The following ESR2 variants were observed in gnomAD, a reference collection of about 807,000 sequenced individuals.
ESR2 encodes estrogen receptor 2.
A neutral mutation model predicts 49.6 loss-of-function variants in ESR2; 36 were observed. The ratio of observed to expected loss-of-function variants is 0.73; its 90% CI spans 0.56 to 0.96. The LOEUF is 0.96. Among genes scored for constraint, ESR2 ranks in the 40% least tolerant of loss-of-function variants. The probability of loss-of-function intolerance (pLI) is 0.00; values close to 1 mark genes in which losing one functional copy is unlikely to be tolerated. For missense variants in ESR2, 714 were observed against 693.0 expected (o/e 1.03, Z -0.34); for synonymous variants, 320 against 266.1 (o/e 1.20, Z -1.97).
chr14:64,304,232 G>C (rs996840418), intron 1 of ESR2, among the ~76,000 whole-genome samples: 1 of 152,102 alleles, frequency 6.6e-6, no homozygotes, highest in East Asian at 1.9e-4. Context: ...ACCTGAGCCC[G>C]GCAGGTTCGA....
At chr14:64,281,828 T>G (rs1242131020) in intron 2 of ESR2, among the ~76,000 whole-genome samples, 1 of 152,200 alleles carries the variant, frequency 6.6e-6, no homozygotes, top group Non-Finnish European at 1.5e-5. Flanking sequence ...TTATATAATG[T>G]TATTATTTTA....
intron 7 of ESR2, among the ~76,000 whole-genome samples, chr14:64,236,896 A>C (rs1362612870): frequency 2.0e-5 from 3 of 146,980 alleles, no homozygotes; most frequent in South Asian, 2.2e-4. Context: ...CCCCACACAC[A>C]CCCCACAGCC....
chr14:64,311,324 A>C (rs1309064289), intron 1 of ESR2, among the ~76,000 whole-genome samples: 1 of 152,270 alleles, frequency 6.6e-6, no homozygotes, highest in East Asian at 1.9e-4. Context: ...TGCTGGTAGA[A>C]CAATTTTGCT....
At chr14:64,233,701 A>C in intron 8 of ESR2, 1 of 189,212 alleles carries the variant, frequency 5.3e-6, no homozygotes, top group Non-Finnish European at 1.1e-5. Context: ...TCAATACAAA[A>C]CCTTGTTTTA....
chr14:64,293,039 C>T (rs911680714), intron 1 of ESR2, among the ~76,000 whole-genome samples: 3 of 152,194 alleles, frequency 2.0e-5, no homozygotes, highest in South Asian at 4.1e-4. Context: ...TGCAATCCTA[C>T]GGTGTATACT....
intron 7 of ESR2, 102 bp from the exon 8 acceptor site, chr14:64,235,252 T>C (rs939254559): frequency 2.0e-5 from 25 of 1,250,416 alleles, no homozygotes; most frequent in Non-Finnish European, 2.6e-5. Flanking sequence ...TCTGGGTTGC[T>C]TTGACAGCTG....
In ESR2 at chr14:64,231,323, CT is replaced by C. The variant is rs1371871919; in HGVS notation, c.*1813del. The C allele has an allele frequency of 6.6e-6, 1 of 152,194 alleles. No individual in the cohort carries two copies. Among genetic ancestry groups the C allele is most frequent in the Non-Finnish European group, 1.5e-5 (1 of 68,028 alleles). 9.4% of individuals were successfully genotyped at this position (152,194 alleles called of 1,614,324 possible). ...CCTACTCTCCAGCTTCCAAACCCCT[CT>C]ATTGGGAGTGGGGGATTCTAGGCTG... On this transcript the variant is annotated 3_prime_UTR_variant, in exon 9 of 9. Coordinates refer to ENST00000341099, the MANE Select transcript of ESR2 (RefSeq NM_001437.3).
At chr14:64,269,722 C>G (rs1006269724) in intron 3 of ESR2, among the ~76,000 whole-genome samples, 3 of 152,154 alleles carry the variant, frequency 2.0e-5, no homozygotes, top group Non-Finnish European at 2.9e-5. Context: ...CTCAAAGACA[C>G]AGAAGTACAG....
At chr14:64,270,791 T>C (rs117510166) in intron 3 of ESR2, among the ~76,000 whole-genome samples, 10,252 of 152,314 alleles carry the variant, frequency 0.067, 410 homozygotes, top group Non-Finnish European at 0.083. Context: ...ATTACAGGCG[T>C]GAGCCACCAC....
At chr14:64,251,906 C>T (rs2075995876) in intron 6 of ESR2, among the ~76,000 whole-genome samples, 1 of 152,132 alleles carries the variant, frequency 6.6e-6, no homozygotes, top group Non-Finnish European at 1.5e-5. Flanking sequence ...ATGAGTTACA[C>T]AGAACAAAGT....
intron 7 of ESR2, among the ~76,000 whole-genome samples, chr14:64,235,924 A>C (rs539210284): frequency 1.1e-4 from 16 of 152,226 alleles, no homozygotes; most frequent in African/African-American, 3.1e-4. Context: ...AGCTCAGATA[A>C]ATCTCCTCCC....
At position 64,318,537 on chromosome 14, in the gene ESR2, CAAAAAAA is replaced by C. The variant is rs58597271; in HGVS notation, c.-91+19354_-91+19360del. On this transcript the variant is annotated intron_variant, in intron 1 of 8. Transcript: ENST00000358599. ...GGGCGACAAGAACGAAACTCCATCT[CAAAAAAA>C]AAAAAAAAAAAAAAAAAAAAAAAAT... 3.8e-3 allele frequency among the ~76,000 whole-genome samples: 124 copies of C among 32,424 alleles called. No individual in the cohort carries two copies. In the East Asian group the frequency reaches 0.039, roughly 10 times the overall value. The allele number at this position is 32,424 out of a possible 152,430, so 21.3% of individuals were successfully genotyped here.
rs2076190161 is a variant in ESR2, at chr14:64,260,489, C to T, written c.912G>A (p.Lys304=). 2 of 1,531,562 alleles carry T rather than the reference C, an allele frequency of 1.3e-6. No homozygotes were observed. Among genetic ancestry groups the T allele is most frequent in the Non-Finnish European group, 1.8e-6 (2 of 1,140,166 alleles). The allele number at this position is 1,531,562 out of a possible 1,614,324, so 94.9% of individuals were successfully genotyped here. ...MMMSLTKLAD[K]ELVHMISWAK... ...CCCAGCTGATCATGTGTACCAACTC[C>T]TTGTCGGCCAACTTGGTCAGGGACA... The change falls in exon 5 of 9, where the codon AAG becomes AAA. Residue 304 remains lysine, a synonymous_variant. Transcript: ENST00000341099.
intron 1 of ESR2, among the ~76,000 whole-genome samples, chr14:64,289,770 C>CA (rs2076842102): frequency 6.6e-6 from 1 of 152,172 alleles, no homozygotes. Flanking sequence ...AGCCTGCCAA[C>CA]ACTGTGTGTG....
chr14:64,260,403 G>C (rs776597610), intron 5 of ESR2, 46 bp downstream of exon 5: 2 of 1,500,212 alleles, frequency 1.3e-6, no homozygotes, highest in African/African-American at 2.8e-5. Context: ...ATTAGCGGCC[G>C]GCCTTTCTAC....
At chr14:64,313,499 A>T (rs1232570489) in intron 1 of ESR2, among the ~76,000 whole-genome samples, 3 of 142,686 alleles carry the variant, frequency 2.1e-5, no homozygotes, top group Non-Finnish European at 4.5e-5. Context: ...AGGCCACTGC[A>T]CTCCAGCCTG....
chr14:64,279,367 T>G (rs1356536098), intron 3 of ESR2, among the ~76,000 whole-genome samples: 1 of 152,102 alleles, frequency 6.6e-6, no homozygotes, highest in Non-Finnish European at 1.5e-5. Flanking sequence ...CAGAGTTTGA[T>G]TCTTTTCATC....
chr14:64,257,180 C>T, intron 6 of ESR2, 46 bp downstream of exon 6: 2 of 1,587,934 alleles, frequency 1.3e-6, no homozygotes, highest in Non-Finnish European at 1.7e-6. Flanking sequence ...CACTAAGCAC[C>T]TTACTCAAAC....
In ESR2 at chr14:64,317,790, T is replaced by C. The variant is rs558395826; in HGVS notation, c.-91+20108A>G. Among the ~76,000 whole-genome samples, 11 of 152,182 alleles carry C rather than the reference T, an allele frequency of 7.2e-5. No individual in the cohort carries two copies. The East Asian group carries it at 1.4e-3, about 19-fold the overall frequency. On this transcript the variant is annotated intron_variant, in intron 1 of 8. Transcript: ENST00000358599. The stretch of plus-strand genomic sequence containing the variant: ...CATATCAATAGACACAGAAAAAGCA[T>C]GACAAAATTCAACACCACTCATAAA...
Sources: gnomAD v4.1 joint callset for allele counts (sites outside exome capture counted in the v4.1 genomes callset) on GRCh38, gnomAD v4.1.1 for gene constraint, MANE v1.5 for transcripts, NCBI Gene and HGNC (gene_info 2026-07-23, HGNC 2026-07-21) for gene names.